Variants in GREB1L observed in about 807,000 individuals in gnomAD.
GREB1L encodes GREB1-like protein.
A neutral mutation model predicts 200.8 loss-of-function variants in GREB1L; 17 were observed. The observed-to-expected ratio is 0.08, with a 90% CI of 0.06 to 0.13. The LOEUF (loss-of-function observed/expected upper bound fraction) is 0.13, where lower values mean the gene tolerates loss of function less well. Ranked by LOEUF, GREB1L falls within the 10% of genes least tolerant of loss-of-function variation. The pLI is 1.00. For missense variants in GREB1L, 1,657 were observed against 2,367.7 expected (o/e 0.70, Z 6.23); for synonymous variants, 789 against 893.0 (o/e 0.88, Z 2.08).
chr18:21,483,573 GT>G lies in GREB1L; in HGVS notation c.2557-2043del, dbSNP rs1223629465. ...CTCAAACCCTATTCCTAAAAGCAGG[GT>G]TTTGGGGGGGACCTCAAAAAATTAA... On this transcript the variant is annotated intron_variant, in intron 17 of 32. Transcript: ENST00000424526. Among the ~76,000 whole-genome samples the G allele has an allele frequency of 2.0e-5, 3 of 152,068 alleles. No individual in the cohort carries two copies. In the East Asian group the frequency reaches 5.8e-4, roughly 29 times the overall value.
chr18:21,368,612 C>T (rs773971191), intron 2 of GREB1L, among the ~76,000 whole-genome samples: 2 of 152,020 alleles, frequency 1.3e-5, no homozygotes, highest in African/African-American at 4.8e-5. Flanking sequence ...TTGTTCAGCC[C>T]CTAATTCACA....
intron 8 of GREB1L, 86 bp from the exon 9 acceptor site, chr18:21,440,183 C>T: frequency 7.4e-7 from 1 of 1,349,178 alleles, no homozygotes; most frequent in Admixed American, 2.1e-5. Flanking sequence ...TTCTGTATTA[C>T]TTATATTACT....
In GREB1L at chr18:21,441,396, C is replaced by G; in HGVS notation, c.1070-4C>G. The G allele has an allele frequency of 5.4e-6, 8 of 1,492,452 alleles. No individual in the cohort carries two copies. The highest frequency in any genetic ancestry group is 7.1e-6 in the Non-Finnish European group (8 of 1,123,170). The allele number at this position is 1,492,452 out of a possible 1,614,324, so 92.5% of individuals were successfully genotyped here. The stretch of plus-strand genomic sequence containing the variant: ...TCTTTCTTGTCAAACTTTTTTTTTT[C>G]CAGAGCCCCTTTTATCTGCCCCAGT... On this transcript the variant is annotated splice_region_variant and splice_polypyrimidine_tract_variant and intron_variant, in intron 9 of 32. Transcript: ENST00000424526.
At chr18:21,380,005 G>A (rs1247500656) in intron 2 of GREB1L, among the ~76,000 whole-genome samples, 2 of 152,060 alleles carry the variant, frequency 1.3e-5, no homozygotes, top group Non-Finnish European at 2.9e-5. Context: ...TACATTTTGA[G>A]TATAAACTTT....
chr18:21,276,557 C>T (rs2038167763), intron 1 of GREB1L, among the ~76,000 whole-genome samples: 1 of 152,190 alleles, frequency 6.6e-6, no homozygotes, highest in Admixed American at 6.5e-5. Flanking sequence ...TTCCAGCTCT[C>T]TGAAAATGAA....
chr18:21,457,185 A>C, intron 15 of GREB1L, among the ~76,000 whole-genome samples: 1 of 152,110 alleles, frequency 6.6e-6, no homozygotes, highest in East Asian at 1.9e-4. Context: ...TTCTCTTCTC[A>C]ATGCCCTCAG....
chr18:21,364,475 A>C (rs1349891639), intron 1 of GREB1L, among the ~76,000 whole-genome samples: 2 of 151,766 alleles, frequency 1.3e-5, no homozygotes, highest in Non-Finnish European at 2.9e-5. Context: ...GGGCAATATG[A>C]TTGCAAAAAA....
At chr18:21,253,692 T>C (rs558398267) in intron 1 of GREB1L, among the ~76,000 whole-genome samples, 1 of 152,336 alleles carries the variant, frequency 6.6e-6, no homozygotes, top group Admixed American at 6.5e-5. Flanking sequence ...TTACTTGTAA[T>C]TCTACCGTCC....
intron 1 of GREB1L, among the ~76,000 whole-genome samples, chr18:21,312,274 C>A (rs2038803640): frequency 6.6e-6 from 1 of 152,100 alleles, no homozygotes; most frequent in Non-Finnish European, 1.5e-5. Context: ...GTGAATAGTG[C>A]TTCAGTGAAC....
At chr18:21,402,865 C>T (rs1567981957) in intron 6 of GREB1L, among the ~76,000 whole-genome samples, 3 of 151,656 alleles carry the variant, frequency 2.0e-5, no homozygotes, top group South Asian at 2.1e-4. Context: ...AGAAGCCTCA[C>T]GTTTATAATA....
intron 6 of GREB1L, 88 bp from the exon 7 acceptor site, chr18:21,403,784 A>T (rs1477542504): frequency 8.7e-7 from 1 of 1,150,092 alleles, no homozygotes; most frequent in African/African-American, 1.5e-5. Context: ...CAGCGATTTA[A>T]TTTAGAGATT....
At chr18:21,434,527 G>GTATATA (rs745921166) in intron 7 of GREB1L, among the ~76,000 whole-genome samples, 33 of 138,794 alleles carry the variant, frequency 2.4e-4, no homozygotes, top group African/African-American at 8.8e-4. Context: ...GTGTGTGTGT[G>GTATATA]TGTGTATATA....
chr18:21,254,739 G>A (rs972095691), intron 1 of GREB1L, among the ~76,000 whole-genome samples: 6 of 152,134 alleles, frequency 3.9e-5, no homozygotes, highest in African/African-American at 1.4e-4. Flanking sequence ...TCCTCAGCTT[G>A]TTGGTGTTTG....
At chr18:21,375,631 T>C (rs1286566869) in intron 2 of GREB1L, among the ~76,000 whole-genome samples, 1 of 152,148 alleles carries the variant, frequency 6.6e-6, no homozygotes, top group East Asian at 1.9e-4. Flanking sequence ...GTTAGTAGCT[T>C]AATGGTCTGA....
Position 21,491,738 on chromosome 18 carries a change from G to T in GREB1L, c.3030+1387G>T, listed in dbSNP as rs1215899477. Among the ~76,000 whole-genome samples, 4 of 151,518 alleles carry T rather than the reference G, an allele frequency of 2.6e-5. No individual in the cohort carries two copies. In the South Asian group the frequency reaches 8.4e-4, roughly 32 times the overall value. On this transcript the variant is annotated intron_variant, in intron 19 of 32. Coordinates refer to ENST00000424526, the MANE Select transcript of GREB1L (RefSeq NM_001142966.3). ...AAAAAAAAAAAAAAATTGTTCTGGAGATGTAAATCTTCTTCTTGTGTTCAG... is the reference window on the plus strand; with the variant it reads ...AAAAAAAAAAAAAAATTGTTCTGGATATGTAAATCTTCTTCTTGTGTTCAG...
Position 21,523,027 on chromosome 18 carries a change from T to C in GREB1L, c.*206T>C. 1 of 498,250 alleles carries C rather than the reference T, an allele frequency of 2.0e-6. No homozygotes were observed. Among genetic ancestry groups the C allele is most frequent in the East Asian group, 3.3e-5 (1 of 30,300 alleles). The allele number at this position is 498,250 out of a possible 1,614,324, so 30.9% of individuals were successfully genotyped here. On this transcript the variant is annotated 3_prime_UTR_variant, in exon 33 of 33. Coordinates refer to ENST00000424526, the MANE Select transcript of GREB1L (RefSeq NM_001142966.3). ...AGTTCCAATTACAGGACCCTTAAAT[T>C]CAGGTAAACTCTATCCTAGGCAGTT...
chr18:21,323,794 A>G lies in GREB1L; in HGVS notation c.-119-42233A>G, dbSNP rs541772795. Among the ~76,000 whole-genome samples, 9 of 152,270 alleles carry G rather than the reference A, an allele frequency of 5.9e-5. No individual in the cohort carries two copies. In the South Asian group the frequency reaches 1.4e-3, roughly 25 times the overall value. On this transcript the variant is annotated intron_variant, in intron 1 of 32. Coordinates refer to ENST00000424526, the MANE Select transcript of GREB1L (RefSeq NM_001142966.3). ...GTTCTGAAAGTTAGGATAACATTCC[A>G]TGGGTGAAGGTGTGATGAAGAGGTG...
intron 28 of GREB1L, among the ~76,000 whole-genome samples, chr18:21,514,230 A>G (rs2037338750): frequency 6.6e-6 from 1 of 152,176 alleles, no homozygotes; most frequent in South Asian, 2.1e-4. Context: ...ATTAAAGTCT[A>G]CTGCGGCCAG....
intron 2 of GREB1L, among the ~76,000 whole-genome samples, chr18:21,382,500 T>G (rs1039699865): frequency 5.9e-5 from 9 of 151,524 alleles, no homozygotes; most frequent in African/African-American, 2.2e-4. Context: ...AATTTTTTTT[T>G]TTTTTTTTGA....
Sources: gnomAD v4.1 joint callset for allele counts (sites outside exome capture counted in the v4.1 genomes callset) on GRCh38, gnomAD v4.1.1 for gene constraint, MANE v1.5 for transcripts, NCBI Gene and HGNC (gene_info 2026-07-23, HGNC 2026-07-21) for gene names.